DST: variants seen among roughly 807,000 people sequenced by gnomAD.
The protein encoded by DST is dystonin.
Under a neutral mutation model 875.2 loss-of-function variants are expected in DST, and 253 were observed. That is an observed-to-expected ratio of 0.29 (90% CI 0.26 to 0.32). The LOEUF (loss-of-function observed/expected upper bound fraction) is 0.32, where lower values mean the gene tolerates loss of function less well. Ranked by LOEUF, DST falls within the 10% of genes least tolerant of loss-of-function variation. DST has a pLI of 1.00. For synonymous variants in DST, 3,124 were observed against 3,197.1 expected (o/e 0.98, Z 0.77); for missense variants, 8,287 against 9,111.6 (o/e 0.91, Z 3.68).
Position 56,604,799 on chromosome 6 carries a change from GA to G in DST, c.9828del (p.Arg3277ValfsTer4). 6.2e-7 allele frequency: 1 copy of G among 1,612,612 alleles called. No homozygotes were observed. Among genetic ancestry groups the G allele is most frequent in the Non-Finnish European group, 8.5e-7 (1 of 1,179,226 alleles). On this transcript the variant is annotated frameshift_variant, in exon 40 of 104. Transcript: ENST00000680361. LOFTEE classifies it high-confidence loss of function. ...ESIEATLSIL[S>X]RKHVEDVGKN... ...TTCCCAACATCTTCTACATGTTTACGAGATAATATTGAAAGTGTGGCTTCAA... is the reference window on the plus strand; with the variant it reads ...TTCCCAACATCTTCTACATGTTTACGGATAATATTGAAAGTGTGGCTTCAA...
At chr6:56,757,295 C>T (rs2099606499) in intron 4 of DST, among the ~76,000 whole-genome samples, 1 of 152,140 alleles carries the variant, frequency 6.6e-6, no homozygotes, top group African/African-American at 2.4e-5. Flanking sequence ...TCCCTACAAA[C>T]CCAAGTGTTT....
At position 56,527,643 on chromosome 6, in the gene DST, A is replaced by G. The variant is rs775714240; in HGVS notation, c.17772T>C (p.Thr5924=). 4.3e-6 allele frequency: 7 copies of G among 1,613,808 alleles called. No homozygotes were observed. The highest frequency in any genetic ancestry group is 5.9e-6 in the Non-Finnish European group (7 of 1,179,852). ...ITKLSTDVAK[T]LEQALQLARR... is the part of the protein sequence containing the mutation. ...TTGCAAGCTGCAGCGCCTGTTCCAG[A>G]GTCTTGGCCACATCAGTGCTCAGTT... The change falls in exon 68 of 104, where the codon ACT becomes ACC. Residue 5924 remains threonine (T), a synonymous_variant. Coordinates refer to ENST00000680361, the MANE Select transcript of DST (RefSeq NM_001374736.1).
intron 3 of DST, chr6:56,852,117 G>A (rs1020451700): frequency 6.2e-6 from 6 of 961,734 alleles, no homozygotes; most frequent in South Asian, 4.8e-5. Flanking sequence ...TGGAGACTCC[G>A]TTCTGACCAG....
At position 56,572,998 on chromosome 6, in the gene DST, A is replaced by G; in HGVS notation, c.13303T>C (p.Phe4435Leu). The change falls in exon 52 of 104, where the codon TTT becomes CTT. Residue 4435 changes from phenylalanine (F) to leucine (L), a missense_variant. Phe to Leu is a conservative substitution (Grantham distance 22). This residue lies in a region of DST where 1,513 missense variants were observed against 1,677.8 expected (regional missense o/e 0.90). Transcript: ENST00000680361. ...INAMNEKVKK[F>L]METTDPSTAS... ...GTGGATGGATCTGTTGTTTCCATAAATTTCTTCACTTTTTCATTCATGGCA... is the reference window on the plus strand; with the variant it reads ...GTGGATGGATCTGTTGTTTCCATAAGTTTCTTCACTTTTTCATTCATGGCA... The G allele has an allele frequency of 6.2e-7, 1 of 1,607,438 alleles. No individual in the cohort carries two copies. Among genetic ancestry groups the G allele is most frequent in the Non-Finnish European group, 8.5e-7 (1 of 1,176,964 alleles).
intron 2 of DST, among the ~76,000 whole-genome samples, chr6:56,908,996 C>T (rs1215236617): frequency 6.6e-6 from 1 of 151,960 alleles, no homozygotes; most frequent in East Asian, 1.9e-4. Context: ...TATGGAATAG[C>T]CATTCTTCTA....
At chr6:56,720,058 G>C (rs1025628733) in intron 5 of DST, among the ~76,000 whole-genome samples, 1 of 152,126 alleles carries the variant, frequency 6.6e-6, no homozygotes. Context: ...TATTAGGCGG[G>C]AATTTCCTCT....
In DST at chr6:56,953,798, T is replaced by C; in HGVS notation, c.203A>G (p.His68Arg). 1.5e-6 allele frequency: 2 copies of C among 1,316,428 alleles called. No homozygotes were observed. Among genetic ancestry groups the C allele is most frequent in the Non-Finnish European group, 1.0e-6 (1 of 994,610 alleles). 81.5% of individuals were successfully genotyped at this position (1,316,428 alleles called of 1,614,324 possible). ...RSRDAVLRSH[H>R]FRSEGFRASP... The stretch of plus-strand genomic sequence containing the variant: ...TAAATAAATTACCTCAGAACGAAAG[T>C]GGTGCGATCTCAAAACAGCATCTGG... The change falls in exon 2 of 104, where the codon CAC (histidine) becomes CGC (arginine). Residue 68 changes from histidine to arginine, a missense_variant. By Grantham distance (29) the His-to-Arg change is conservative (BLOSUM62 0). This residue lies in a region of DST where 1,160 missense variants were observed against 1,424.3 expected (regional missense o/e 0.81). Coordinates refer to ENST00000680361, the MANE Select transcript of DST (RefSeq NM_001374736.1).
At chr6:56,798,051 A>ATC (rs1430271179) in intron 4 of DST, among the ~76,000 whole-genome samples, 1 of 152,204 alleles carries the variant, frequency 6.6e-6, no homozygotes, top group African/African-American at 2.4e-5. Context: ...GAAAGAAACC[A>ATC]TCTCCATAAC....
Position 56,627,214 on chromosome 6 carries a change from G to T in DST, c.4712C>A (p.Ala1571Asp). The T allele has an allele frequency of 6.2e-7, 1 of 1,610,126 alleles. No individual in the cohort carries two copies. Among genetic ancestry groups the T allele is most frequent in the Non-Finnish European group, 8.5e-7 (1 of 1,177,158 alleles). The part of the protein sequence containing the change: ...ECQKYAEQYS[A>D]TVKDYELQTM... ...AATGAATCTTCCTACCTTCACTGTA[G>T]CTGAGTACTGTTCTGCATATTTTTG... Residue 1571 changes from alanine (A) to aspartate (D), a missense_variant, in exon 34 of 104, where the codon GCT (alanine) becomes GAT (aspartate). Physicochemically the swap from Ala to Asp is moderately radical, Grantham distance 126 (BLOSUM62 -2). Around this residue, in one of 10 missense-constraint regions of DST, gnomAD observed 3,138 missense variants for 3,116.6 expected, o/e 1.01. Transcript: ENST00000680361.
At chr6:56,922,066 A>G (rs1309343747) in intron 2 of DST, among the ~76,000 whole-genome samples, 2 of 152,132 alleles carry the variant, frequency 1.3e-5, no homozygotes, top group Non-Finnish European at 2.9e-5. Flanking sequence ...TATCATTAAA[A>G]TATATAAGTT....
At chr6:56,615,188 G>A in intron 36 of DST, 1 of 1,148,378 alleles carries the variant, frequency 8.7e-7, no homozygotes, top group Non-Finnish European at 1.1e-6. Flanking sequence ...ACTATTCAAT[G>A]AAGGGGAGTT....
intron 69 of DST, among the ~76,000 whole-genome samples, chr6:56,524,327 C>A (rs76275890): frequency 0.031 from 4,789 of 152,216 alleles, 137 homozygotes; most frequent in Non-Finnish European, 0.048. Flanking sequence ...TATCCTCATC[C>A]TCCACAGTCT....
intron 83 of DST, 61 bp from the exon 84 acceptor site, chr6:56,493,150 A>G (rs1404328179): frequency 6.8e-6 from 10 of 1,478,874 alleles, no homozygotes; most frequent in Non-Finnish European, 8.3e-6. Context: ...TGTTTGTTTC[A>G]GTTTAAATAT....
rs1482848138 is a variant in DST at position 56,619,553 on chromosome 6, T to C, written c.4929+4977A>G. The C allele has an allele frequency of 1.2e-6, 2 of 1,613,958 alleles. No individual in the cohort carries two copies. Among genetic ancestry groups the C allele is most frequent in the Non-Finnish European group, 1.7e-6 (2 of 1,179,972 alleles). On this transcript the variant is annotated intron_variant, in intron 36 of 103. Transcript: ENST00000680361. Reference sequence around the variant, plus strand: ...CTGAATATTCTTCTCAGCTACAGCATGTGCCCTTGTGATTCTGTCTACTTC... The same window carrying C: ...CTGAATATTCTTCTCAGCTACAGCACGTGCCCTTGTGATTCTGTCTACTTC...
intron 17 of DST, 51 bp from the exon 18 acceptor site, chr6:56,640,656 A>G (rs757867778): frequency 3.7e-6 from 5 of 1,367,574 alleles, no homozygotes; most frequent in Non-Finnish European, 5.2e-6. Context: ...CACTTGTAAC[A>G]AAGAGTGAAC....
chr6:56,716,117 T>C (rs1469565765), intron 5 of DST, among the ~76,000 whole-genome samples: 1 of 152,234 alleles, frequency 6.6e-6, no homozygotes, highest in Non-Finnish European at 1.5e-5. Flanking sequence ...TAAATTAGTC[T>C]GGTAAATGAC....
At chr6:56,916,751 C>CTA (rs1197050234) in intron 2 of DST, among the ~76,000 whole-genome samples, 2 of 130,064 alleles carry the variant, frequency 1.5e-5, no homozygotes, top group African/African-American at 6.5e-5. Context: ...CTCTCTCTCT[C>CTA]TATCTCTCTC....
chr6:56,782,259 C>T (rs1337027117), intron 4 of DST, among the ~76,000 whole-genome samples: 1 of 152,104 alleles, frequency 6.6e-6, no homozygotes, highest in African/African-American at 2.4e-5. Context: ...GGGAGGATTC[C>T]CTCTTTTTCT....
At chr6:56,939,223 CTCAAAACT>C (rs2127781386) in intron 2 of DST, among the ~76,000 whole-genome samples, 1 of 152,304 alleles carries the variant, frequency 6.6e-6, no homozygotes, top group South Asian at 2.1e-4. Context: ...AACAAAGTTT[CTCAAAACT>C]GTTGGTCCAA....
Sources: gnomAD v4.1 joint callset for allele counts (sites outside exome capture counted in the v4.1 genomes callset) on GRCh38, gnomAD v4.1.1 for gene constraint, gnomAD v4.1.1 regional missense constraint, MANE v1.5 for transcripts, NCBI Gene and HGNC (gene_info 2026-07-23, HGNC 2026-07-21) for gene names.